The following GNAS variants were observed in gnomAD, a reference collection of about 807,000 sequenced individuals.
GNAS encodes GNAS complex locus.
In GNAS, 8 loss-of-function variants were observed where a neutral mutation model predicts 54.5. The observed-to-expected ratio is 0.15, with a 90% CI of 0.09 to 0.26. The LOEUF (loss-of-function observed/expected upper bound fraction) is 0.26. GNAS is among the 10% of genes least tolerant of loss of function. GNAS has a pLI of 1.00. For synonymous variants in GNAS, 204 were observed against 191.4 expected, an observed-to-expected ratio of 1.07 and a Z score of -0.54; for missense variants, 170 against 529.8, an observed-to-expected ratio of 0.32 and a Z score of 6.67.
intron 1 of GNAS, among the ~76,000 whole-genome samples, chr20:58,894,688 T>A (rs1004800943): frequency 2.0e-5 from 3 of 152,200 alleles, no homozygotes; most frequent in Admixed American, 2.0e-4. Flanking sequence ...AAATGAAAGA[T>A]GATTTAAAAT....
At position 58,910,508 on chromosome 20, in the gene GNAS, T is replaced by C. The variant is rs2091366484; in HGVS notation, c.1038+107T>C. On this transcript the variant is annotated intron_variant, in intron 12 of 12. Transcript: ENST00000371085. This position sits in a 1 kb window ranked among gnomAD's most constrained non-coding sequence, Gnocchi z 5.8. ...GGGGTTCAGCTACCCAGTTCCATGG[T>C]TTTAGTTCACGCACATCCAGTGTGG... is the stretch of plus-strand genomic sequence containing the variant. 8.7e-7 allele frequency: 1 copy of C among 1,152,642 alleles called. No individual in the cohort carries two copies. Among genetic ancestry groups the C allele is most frequent in the African/African-American group, 1.5e-5 (1 of 65,958 alleles). 71.4% of individuals were successfully genotyped at this position (1,152,642 alleles called of 1,614,324 possible).
chr20:58,900,751 GC>G (rs1483954615), intron 3 of GNAS, among the ~76,000 whole-genome samples: 1 of 152,138 alleles, frequency 6.6e-6, no homozygotes, highest in Non-Finnish European at 1.5e-5. Context: ...AATTCATTAA[GC>G]AATAGTAAAA....
intron 1 of GNAS, among the ~76,000 whole-genome samples, chr20:58,846,688 C>A (rs561268216): frequency 5.9e-5 from 9 of 152,320 alleles, no homozygotes; most frequent in African/African-American, 2.2e-4. Flanking sequence ...CTCCCCTCAA[C>A]CCCATGTGAG....
At chr20:58,897,988 T>A (rs2090226101) in intron 2 of GNAS, 1 of 152,182 alleles carries the variant, frequency 6.6e-6, no homozygotes, top group South Asian at 2.1e-4. Context: ...TTGCCTTAAC[T>A]CTCTGCGGGC....
chr20:58,901,577 C>G (rs958332464), intron 3 of GNAS, among the ~76,000 whole-genome samples: 1 of 151,306 alleles, frequency 6.6e-6, no homozygotes, highest in East Asian at 1.9e-4. Context: ...CCCCAGACAC[C>G]CCCCACCACT....
At chr20:58,890,966 A>C (rs1600956971), upstream of GNAS, among the ~76,000 whole-genome samples, 5 of 141,034 alleles carry the variant, frequency 3.5e-5, no homozygotes, top group South Asian at 2.3e-4. Flanking sequence ...CCTTCCGCCC[A>C]CCCCAGCCCC....
intron 5 of GNAS, among the ~76,000 whole-genome samples, chr20:58,904,699 T>TG (rs1470057471): frequency 2.6e-5 from 4 of 152,370 alleles, no homozygotes; most frequent in Non-Finnish European, 5.9e-5. Context: ...AAACTTAAAT[T>TG]GGAGAAATTT....
intron 1 of GNAS, chr20:58,854,729 C>T: frequency 2.6e-6 from 4 of 1,536,530 alleles, no homozygotes; most frequent in Non-Finnish European, 3.5e-6. Flanking sequence ...CCCATGTCGC[C>T]CCAGCTGCGC....
chr20:58,842,537 T>A, intron 1 of GNAS: 1 of 398,652 alleles, frequency 2.5e-6, no homozygotes, highest in East Asian at 3.6e-5. Context: ...GATGCTTTTG[T>A]GGTCTTCCCT....
upstream of GNAS, chr20:58,889,186 G>A: frequency 1.6e-6 from 2 of 1,216,790 alleles, no homozygotes; most frequent in Non-Finnish European, 2.1e-6. Context: ...ACTCAGTCGC[G>A]TCGGCACCGC....
intron 1 of GNAS, chr20:58,892,426 A>G (rs1007761432): frequency 2.8e-5 from 4 of 140,990 alleles, no homozygotes; most frequent in African/African-American, 1.1e-4. Flanking sequence ...GGGCCTCGCC[A>G]AAGGGAGGCT....
chr20:58,865,091 A>C (rs533139964), intron 1 of GNAS, among the ~76,000 whole-genome samples: 208 of 152,240 alleles, frequency 1.4e-3, no homozygotes, highest in African/African-American at 4.9e-3. Context: ...ACAGTTCAAG[A>C]TCATACATAC....
Position 58,909,270 on chromosome 20 carries a change from C to T in GNAS, c.585+54C>T. On this transcript the variant is annotated intron_variant, in intron 7 of 12. Transcript: ENST00000371085. This position sits in a 1 kb window ranked among gnomAD's most constrained non-coding sequence, Gnocchi z 7.3. The stretch of plus-strand genomic sequence containing the variant: ...CTCTGAGCCCTCTTTCCAAACTACT[C>T]CAGACCTTTGCTTTAGATTGGCAAT... The T allele has an allele frequency of 1.9e-6, 3 of 1,585,444 alleles. No homozygotes were observed. The highest frequency in any genetic ancestry group is 2.6e-6 in the Non-Finnish European group (3 of 1,153,832).
In GNAS at chr20:58,909,251, G is replaced by C. The variant is rs375697290; in HGVS notation, c.585+35G>C. The C allele has an allele frequency of 5.0e-6, 8 of 1,603,314 alleles. No homozygotes were observed. Among genetic ancestry groups the C allele is most frequent in the Non-Finnish European group, 6.8e-6 (8 of 1,170,212 alleles). On this transcript the variant is annotated intron_variant, in intron 7 of 12. Coordinates refer to ENST00000371085, the MANE Select transcript of GNAS (RefSeq NM_000516.7). The surrounding 1 kb of genome is among the most constrained non-coding windows in gnomAD (Gnocchi z 7.3). ...ACCCCTCCCCACCAGAGGACTCTGA[G>C]CCCTCTTTCCAAACTACTCCAGACC...
intron 2 of GNAS, 148 bp from the exon 3 acceptor site, chr20:58,898,792 TA>T: frequency 1.3e-6 from 1 of 789,948 alleles, no homozygotes; most frequent in Non-Finnish European, 2.3e-6. Flanking sequence ...AAAGGCGACC[TA>T]AGAATTGCCG....
chr20:58,891,448 C>T lies in GNAS; in HGVS notation c.-279C>T. ...CAGCTCCCGCAGCTCCTGCTCTGGT[C>T]CGCCTCGGCCCGGCGGCGGCCATCA... On this transcript the variant is annotated 5_prime_UTR_variant, in exon 1 of 13. Coordinates refer to ENST00000371085, the MANE Select transcript of GNAS (RefSeq NM_000516.7). The T allele has an allele frequency of 1.6e-6, 1 of 617,520 alleles. No homozygotes were observed. Among genetic ancestry groups the T allele is most frequent in the Non-Finnish European group, 2.0e-6 (1 of 496,664 alleles). 38.3% of individuals were successfully genotyped at this position (617,520 alleles called of 1,614,324 possible).
chr20:58,867,032 C>T (rs1260602740), intron 1 of GNAS, among the ~76,000 whole-genome samples: 3 of 152,178 alleles, frequency 2.0e-5, no homozygotes, highest in Admixed American at 6.6e-5. Context: ...TGAAGACTAG[C>T]TTTTTATGTC....
chr20:58,890,991 G>C (rs116897918), upstream of GNAS, among the ~76,000 whole-genome samples: 5,212 of 150,634 alleles, frequency 0.035, 128 homozygotes, highest in East Asian at 0.059. Flanking sequence ...CGGCGCCCGC[G>C]GGAGGGGGAG....
At chr20:58,846,489 A>G (rs4812040) in intron 1 of GNAS, among the ~76,000 whole-genome samples, 59,368 of 152,174 alleles carry the variant, frequency 0.39, 14,629 homozygotes, top group East Asian at 0.81. Context: ...GAGTTTTCAT[A>G]CAAGTACTTC....
Sources: gnomAD v4.1 joint callset for allele counts (sites outside exome capture counted in the v4.1 genomes callset) on GRCh38, gnomAD v4.1.1 for gene constraint, Gnocchi (gnomAD v3.1) non-coding constraint, MANE v1.5 for transcripts, NCBI Gene and HGNC (gene_info 2026-07-23, HGNC 2026-07-21) for gene names.